Variants in NRG3 observed in about 807,000 individuals in gnomAD.
NRG3 encodes pro-neuregulin-3, membrane-bound isoform.
In NRG3, 31 loss-of-function variants were observed where a neutral mutation model predicts 66.9. The ratio of observed to expected loss-of-function variants is 0.46; its 90% CI spans 0.35 to 0.63. The LOEUF (loss-of-function observed/expected upper bound fraction) is 0.63, where lower values mean the gene tolerates loss of function less well. Among genes scored for constraint, NRG3 ranks in the 20% least tolerant of loss-of-function variants. The pLI, the probability that NRG3 is intolerant of heterozygous loss-of-function variation, is 0.00. For synonymous variants in NRG3, 393 were observed against 359.4 expected (o/e 1.09, Z -1.06); for missense variants, 910 against 878.9 (o/e 1.04, Z -0.45).
At chr10:82,443,289 C>T (rs2090540265) in intron 2 of NRG3, among the ~76,000 whole-genome samples, 1 of 152,072 alleles carries the variant, frequency 6.6e-6, no homozygotes. Context: ...ACAAAACCAC[C>T]AGCTTCGGTA....
chr10:82,122,126 T>C (rs1238082828), intron 1 of NRG3, among the ~76,000 whole-genome samples: 1 of 152,202 alleles, frequency 6.6e-6, no homozygotes, highest in Admixed American at 6.5e-5. Flanking sequence ...GAGGATTATA[T>C]GAATTCACAC....
At chr10:82,864,598 A>G (rs989770193) in intron 3 of NRG3, among the ~76,000 whole-genome samples, 11 of 152,230 alleles carry the variant, frequency 7.2e-5, no homozygotes, top group African/African-American at 2.7e-4. Context: ...AATGATTAAA[A>G]AAAGAACCAT....
At chr10:82,378,096 T>G (rs1219539907) in intron 2 of NRG3, among the ~76,000 whole-genome samples, 1 of 152,214 alleles carries the variant, frequency 6.6e-6, no homozygotes, top group Non-Finnish European at 1.5e-5. Flanking sequence ...TATACAGGAT[T>G]GTTTCGTTTG....
At chr10:82,078,817 A>C (rs1254082889) in intron 1 of NRG3, among the ~76,000 whole-genome samples, 1 of 152,188 alleles carries the variant, frequency 6.6e-6, no homozygotes, top group Non-Finnish European at 1.5e-5. Flanking sequence ...TATTTTGCAG[A>C]AATTAAGTTG....
At chr10:82,451,716 G>C (rs143034674) in intron 2 of NRG3, among the ~76,000 whole-genome samples, 1 of 152,008 alleles carries the variant, frequency 6.6e-6, no homozygotes, top group East Asian at 1.9e-4. Flanking sequence ...TTTTATTCAA[G>C]ATACTGAATA....
At chr10:82,037,261 A>C (rs1221766474) in intron 1 of NRG3, among the ~76,000 whole-genome samples, 1 of 152,140 alleles carries the variant, frequency 6.6e-6, no homozygotes, top group African/African-American at 2.4e-5. Flanking sequence ...CCCTGGCACT[A>C]GGGCTGGCCA....
chr10:82,429,595 G>T (rs2089665129), intron 2 of NRG3, among the ~76,000 whole-genome samples: 1 of 151,970 alleles, frequency 6.6e-6, no homozygotes, highest in African/African-American at 2.4e-5. Flanking sequence ...GTATTTGTGT[G>T]TGAATTTCTT....
chr10:82,733,352 T>G (rs2058010707), intron 2 of NRG3, among the ~76,000 whole-genome samples: 1 of 152,232 alleles, frequency 6.6e-6, no homozygotes, highest in African/African-American at 2.4e-5. Context: ...CTACCTGCAC[T>G]TGTTTTTCTC....
chr10:82,050,722 C>T lies in NRG3; in HGVS notation c.823+174559C>T, dbSNP rs2063551312. Among the ~76,000 whole-genome samples the T allele has an allele frequency of 2.0e-5, 3 of 151,942 alleles. No homozygotes were observed. The South Asian group carries it at 6.2e-4, about 32-fold the overall frequency. On this transcript the variant is annotated intron_variant, in intron 1 of 8. Coordinates refer to ENST00000372141, the MANE Select transcript of NRG3 (RefSeq NM_001010848.4). ...GTCACAGGCTGCCAACCAGGTACCA[C>T]TTTAACCACCAAGACTCTGATAATG...
At chr10:82,243,969 T>A (rs1050834890) in intron 1 of NRG3, among the ~76,000 whole-genome samples, 2 of 152,188 alleles carry the variant, frequency 1.3e-5, no homozygotes, top group Non-Finnish European at 2.9e-5. Context: ...CTAATTTTTT[T>A]AAATGTTAAT....
In NRG3 at chr10:82,645,252, T is replaced by A. The variant is rs184627371; in HGVS notation, c.954-93325T>A. Among the ~76,000 whole-genome samples the A allele has an allele frequency of 1.2e-3, 190 of 152,296 alleles. 2 individuals are homozygous for A. The highest frequency in any genetic ancestry group is 0.011 in the Admixed American group (173 of 15,282). The stretch of plus-strand genomic sequence containing the variant: ...AGACTTGAAAAGCACCCAAGGTCTG[T>A]CATAGCCAGAGAATATTTTCTCCTC... On this transcript the variant is annotated intron_variant, in intron 2 of 8. Transcript: ENST00000372141.
At chr10:82,028,652 AC>A (rs2062425716) in intron 1 of NRG3, among the ~76,000 whole-genome samples, 1 of 152,092 alleles carries the variant, frequency 6.6e-6, no homozygotes, top group Admixed American at 6.6e-5. Flanking sequence ...AGATCAGCAC[AC>A]ATCTTTACTT....
chr10:82,568,122 G>A (rs892967558), intron 2 of NRG3, among the ~76,000 whole-genome samples: 3 of 151,798 alleles, frequency 2.0e-5, no homozygotes, highest in African/African-American at 4.8e-5. Flanking sequence ...GAACTAGAAC[G>A]GATGCAGGCC....
chr10:82,255,589 T>A (rs188452192), intron 1 of NRG3, among the ~76,000 whole-genome samples: 11,750 of 152,056 alleles, frequency 0.077, 803 homozygotes, highest in African/African-American at 0.19. Context: ...TCTTTTTTTT[T>A]TAAAAAACAA....
Position 82,313,583 on chromosome 10 carries a change from C to G in NRG3, c.824-45156C>G, listed in dbSNP as rs78280179. 1.7e-3 allele frequency among the ~76,000 whole-genome samples: 257 copies of G among 152,172 alleles called. 1 individual carries two copies. Among genetic ancestry groups the G allele is most frequent in the African/African-American group, 5.7e-3 (236 of 41,534 alleles). On this transcript the variant is annotated intron_variant, in intron 1 of 8. Transcript: ENST00000372141. ...CCAGGAAACAGCTGCATGGCCAGTCCTGACCTCTCAAAAAGCAACCGTAGC... is the reference window on the plus strand; with the variant it reads ...CCAGGAAACAGCTGCATGGCCAGTCGTGACCTCTCAAAAAGCAACCGTAGC...
chr10:82,188,797 A>G (rs914351041), intron 1 of NRG3, among the ~76,000 whole-genome samples: 3 of 151,894 alleles, frequency 2.0e-5, no homozygotes, highest in African/African-American at 7.3e-5. Context: ...GCGGGAGGCT[A>G]TGGGAGAGGT....
intron 2 of NRG3, among the ~76,000 whole-genome samples, chr10:82,686,498 T>C (rs1338532842): frequency 6.6e-6 from 1 of 152,122 alleles, no homozygotes; most frequent in African/African-American, 2.4e-5. Context: ...CCATGTGCTA[T>C]ACTTTTATAG....
intron 1 of NRG3, among the ~76,000 whole-genome samples, chr10:82,271,289 G>T (rs1479264907): frequency 6.6e-6 from 1 of 152,004 alleles, no homozygotes; most frequent in African/African-American, 2.4e-5. Flanking sequence ...ATAAATTCCA[G>T]CTCTGCCACC....
At chr10:82,401,642 T>G (rs1309165192) in intron 2 of NRG3, among the ~76,000 whole-genome samples, 1 of 152,148 alleles carries the variant, frequency 6.6e-6, no homozygotes, top group Non-Finnish European at 1.5e-5. Context: ...GTAAAATTTT[T>G]AATAATAGGG....
Sources: allele counts gnomAD v4.1 joint callset (sites outside exome capture counted in the v4.1 genomes callset), GRCh38; gene constraint gnomAD v4.1.1; transcripts MANE v1.5; gene names NCBI Gene and HGNC (gene_info 2026-07-23, HGNC 2026-07-21).